The following AP3B1 variants were observed in gnomAD, a reference collection of about 807,000 sequenced individuals.
AP3B1 encodes the protein AP-3 complex subunit beta-1.
Under a neutral mutation model 132.5 loss-of-function variants are expected in AP3B1, and 61 were observed. That is an observed-to-expected ratio of 0.46 (90% confidence interval 0.37 to 0.57). The LOEUF (loss-of-function observed/expected upper bound fraction) is 0.57, where lower values mean the gene tolerates loss of function less well. Among genes scored for constraint, AP3B1 ranks in the 20% least tolerant of loss-of-function variants. The pLI, the probability that AP3B1 is intolerant of heterozygous loss-of-function variation, is 0.00. For missense variants in AP3B1, 1,120 were observed against 1,289.4 expected (o/e 0.87, Z 2.01); for synonymous variants, 388 against 438.3 (o/e 0.89, Z 1.43).
At chr5:78,159,743 C>T (rs1371873644) in intron 13 of AP3B1, among the ~76,000 whole-genome samples, 3 of 152,190 alleles carry the variant, frequency 2.0e-5, no homozygotes, top group Admixed American at 2.0e-4. Context: ...CTTTGGAACG[C>T]AATAATTCTG....
intron 22 of AP3B1, among the ~76,000 whole-genome samples, chr5:78,077,671 C>G (rs1749820265): frequency 6.8e-6 from 1 of 146,268 alleles, no homozygotes; most frequent in South Asian, 2.1e-4. Context: ...TATACTAGTT[C>G]CTCTTCTAGG....
At position 78,061,932 on chromosome 5, in the gene AP3B1, T is replaced by G. The variant is rs557722053; in HGVS notation, c.2578-22658A>C. Reference sequence around the variant, plus strand: ...ACTTAAAGAAAGGCAAAGTGATTGATGAAACCAGCAGTCACCTTCACTGCT... The same window carrying G: ...ACTTAAAGAAAGGCAAAGTGATTGAGGAAACCAGCAGTCACCTTCACTGCT... On this transcript the variant is annotated intron_variant, in intron 22 of 26. Transcript: ENST00000255194. Among the ~76,000 whole-genome samples the G allele has an allele frequency of 4.6e-5, 7 of 152,330 alleles. No individual in the cohort carries two copies. The East Asian group carries it at 7.7e-4, about 17-fold the overall frequency.
At chr5:78,058,220 G>C (rs1365144777) in intron 22 of AP3B1, among the ~76,000 whole-genome samples, 1 of 152,056 alleles carries the variant, frequency 6.6e-6, no homozygotes, top group African/African-American at 2.4e-5. Flanking sequence ...TGCTATTATA[G>C]GCCGGACGCA....
intron 1 of AP3B1, among the ~76,000 whole-genome samples, chr5:78,277,562 T>C (rs1342570258): frequency 1.3e-5 from 2 of 152,174 alleles, no homozygotes; most frequent in Non-Finnish European, 1.5e-5. Context: ...ATAAGTGATC[T>C]GAGGTCTCGA....
At chr5:78,102,915 T>G (rs562459100) in intron 20 of AP3B1, among the ~76,000 whole-genome samples, 1 of 152,246 alleles carries the variant, frequency 6.6e-6, no homozygotes, top group African/African-American at 2.4e-5. Context: ...CAGAGCTGCA[T>G]GTGAAATTGG....
At position 78,034,377 on chromosome 5, in the gene AP3B1, C is replaced by T; in HGVS notation, c.2878G>A (p.Ala960Thr). Residue 960 changes from alanine to threonine, a missense_variant, in exon 24 of 27, where the codon GCC becomes ACC. By Grantham distance (58) the Ala-to-Thr change is moderately conservative (BLOSUM62 0). Coordinates refer to ENST00000255194, the MANE Select transcript of AP3B1 (RefSeq NM_003664.5). ...TGAACTTACCACAACTGGAAACTGG[C>T]AGTCTGAGTAGAATCACAAAAGTCA... Reference protein sequence around the residue: ...GIDFCDSTQTASFQLCTKDDC... With the variant: ...GIDFCDSTQTTSFQLCTKDDC... 1 of 1,611,442 alleles carries T rather than the reference C, an allele frequency of 6.2e-7. No homozygotes were observed. Among genetic ancestry groups the T allele is most frequent in the African/African-American group, 1.3e-5 (1 of 74,920 alleles).
At chr5:78,194,692 A>C (rs1321882108) in intron 7 of AP3B1, among the ~76,000 whole-genome samples, 1 of 152,236 alleles carries the variant, frequency 6.6e-6, no homozygotes, top group Non-Finnish European at 1.5e-5. Context: ...GAGAAATGAC[A>C]GATCTTCCTT....
chr5:78,073,046 G>A (rs1749610519), intron 22 of AP3B1, among the ~76,000 whole-genome samples: 1 of 151,910 alleles, frequency 6.6e-6, no homozygotes, highest in Non-Finnish European at 1.5e-5. Context: ...TAAGTTAAGT[G>A]GTTTTTACTT....
At chr5:78,107,724 G>C (rs1262597822) in intron 20 of AP3B1, among the ~76,000 whole-genome samples, 2 of 151,950 alleles carry the variant, frequency 1.3e-5, no homozygotes, top group African/African-American at 2.4e-5. Flanking sequence ...CTGTAGGTAA[G>C]GGAACAGAAT....
intron 16 of AP3B1, 96 bp from the exon 17 acceptor site, chr5:78,128,256 T>C: frequency 8.8e-7 from 1 of 1,133,494 alleles, no homozygotes; most frequent in Non-Finnish European, 1.3e-6. Context: ...GCATATTACC[T>C]CAAATGTCAA....
At chr5:78,098,560 T>C (rs1424695630) in intron 21 of AP3B1, among the ~76,000 whole-genome samples, 1 of 152,224 alleles carries the variant, frequency 6.6e-6, no homozygotes, top group Non-Finnish European at 1.5e-5. Flanking sequence ...GTTACAAACA[T>C]ACATATGTAA....
chr5:78,159,876 CTA>C (rs752213733), intron 13 of AP3B1, among the ~76,000 whole-genome samples: 3 of 152,166 alleles, frequency 2.0e-5, no homozygotes, highest in Admixed American at 6.5e-5. Flanking sequence ...CAAAATGATC[CTA>C]TGTTCTAGAT....
chr5:78,128,700 T>C (rs145294283), intron 16 of AP3B1, among the ~76,000 whole-genome samples: 6 of 152,120 alleles, frequency 3.9e-5, no homozygotes, highest in African/African-American at 7.2e-5. Context: ...AGTTTAAATA[T>C]AGAGGGATAC....
At chr5:78,274,924 A>C (rs1748711473) in intron 1 of AP3B1, among the ~76,000 whole-genome samples, 1 of 151,706 alleles carries the variant, frequency 6.6e-6, no homozygotes, top group African/African-American at 2.4e-5. Context: ...CTTTTTTTTA[A>C]AAAAAAAGGC....
chr5:78,225,583 A>T lies in AP3B1; in HGVS notation c.562T>A (p.Leu188Ile). The change falls in exon 6 of 27, where the codon TTA becomes ATA. Residue 188 changes from leucine (L) to isoleucine (I), a missense_variant. Transcript: ENST00000255194. Reference protein sequence around the residue: ...YSLDPEQKEMLIEVIEKLLKD... With the variant: ...YSLDPEQKEMIIEVIEKLLKD... ...AGAAGTTTTTCAATTACTTCAATTA[A>T]CATTTCCTTCTGCTCTGGATCAAGG... The T allele has an allele frequency of 6.3e-7, 1 of 1,583,070 alleles. No individual in the cohort carries two copies. The highest frequency in any genetic ancestry group is 8.7e-7 in the Non-Finnish European group (1 of 1,154,134).
At chr5:78,127,960 A>C in intron 17 of AP3B1, 70 bp downstream of exon 17, 2 of 1,566,306 alleles carry the variant, frequency 1.3e-6, no homozygotes, top group Non-Finnish European at 1.8e-6. Context: ...AAAAGCTTTT[A>C]TATAAAACAA....
At chr5:78,220,551 C>T (rs1002394510) in intron 6 of AP3B1, among the ~76,000 whole-genome samples, 6 of 151,580 alleles carry the variant, frequency 4.0e-5, no homozygotes, top group Non-Finnish European at 7.4e-5. Flanking sequence ...AAATCAACAA[C>T]AGAAAGAGAA....
chr5:78,252,629 C>G (rs1174486921), intron 2 of AP3B1, among the ~76,000 whole-genome samples: 2 of 152,184 alleles, frequency 1.3e-5, no homozygotes, highest in Non-Finnish European at 2.9e-5. Context: ...GTTGAGGCTC[C>G]TCTGCCTTCA....
chr5:78,188,768 A>C (rs1446763509), intron 7 of AP3B1, among the ~76,000 whole-genome samples: 2 of 152,174 alleles, frequency 1.3e-5, no homozygotes, highest in Non-Finnish European at 2.9e-5. Context: ...TTATAAAGAT[A>C]TATGCACGCA....
Sources: allele counts gnomAD v4.1 joint callset (sites outside exome capture counted in the v4.1 genomes callset), GRCh38; gene constraint gnomAD v4.1.1; transcripts MANE v1.5; gene names NCBI Gene and HGNC (gene_info 2026-07-23, HGNC 2026-07-21).